The following GDPD4 variants were observed in gnomAD, a reference collection of about 807,000 sequenced individuals.
GDPD4 encodes the protein glycerophosphodiester phosphodiesterase 6.
GDPD4 carries 60 observed loss-of-function variants against 67.8 expected under a neutral mutation model. The ratio of observed to expected loss-of-function variants is 0.88; its 90% CI spans 0.72 to 1.10. The LOEUF is 1.10. GDPD4 is among the 50% of genes least tolerant of loss of function. GDPD4 has a pLI of 0.00. For missense variants in GDPD4, 623 were observed against 613.9 expected (o/e 1.01, Z -0.16); for synonymous variants, 212 against 210.9 (o/e 1.00, Z -0.04).
At chr11:77,290,829 A>C (rs990887998) in intron 1 of GDPD4, among the ~76,000 whole-genome samples, 1 of 152,220 alleles carries the variant, frequency 6.6e-6, no homozygotes, top group East Asian at 1.9e-4. Flanking sequence ...ACAGTGAGAC[A>C]TTATCTTACC....
chr11:77,230,097 A>G lies in GDPD4; in HGVS notation c.1390-865T>C, dbSNP rs148134152. On this transcript the variant is annotated intron_variant, in intron 14 of 16. Coordinates refer to ENST00000315938, the MANE Select transcript of GDPD4 (RefSeq NM_182833.3). ...CAGGTATTCTAAGCACTTCAGGGGT[A>G]TTTACAGATTTAAGCCTCATAATAG... 8.4e-3 allele frequency among the ~76,000 whole-genome samples: 1,284 copies of G among 152,322 alleles called. 29 individuals carry two copies. The highest frequency in any genetic ancestry group is 0.029 in the African/African-American group (1,222 of 41,560).
intron 11 of GDPD4, among the ~76,000 whole-genome samples, chr11:77,249,372 A>G (rs1469014139): frequency 6.6e-6 from 1 of 152,168 alleles, no homozygotes; most frequent in Non-Finnish European, 1.5e-5. Context: ...TCTATCGCAC[A>G]TTATCAAATT....
At chr11:77,236,544 T>C (rs1958571082) in intron 13 of GDPD4, among the ~76,000 whole-genome samples, 1 of 152,086 alleles carries the variant, frequency 6.6e-6, no homozygotes, top group South Asian at 2.1e-4. Flanking sequence ...AGAAAAAGAC[T>C]TATTAAGCAA....
rs1938167968 is a variant in GDPD4, at chr11:77,301,677, T to TG, written c.-327dup. ...ACCAGCGTCTCTTAAGATGGACGCC[T>TG]GGCTGGAAGGGCAGCCCGAGGGAGG... On this transcript the variant is annotated 5_prime_UTR_variant, in exon 1 of 17. Coordinates refer to ENST00000315938, the MANE Select transcript of GDPD4 (RefSeq NM_182833.3). 6.6e-6 allele frequency: 1 copy of TG among 151,930 alleles called. No individual in the cohort carries two copies. Among genetic ancestry groups the TG allele is most frequent in the African/African-American group, 2.4e-5 (1 of 41,320 alleles). 9.4% of individuals were successfully genotyped at this position (151,930 alleles called of 1,614,324 possible).
chr11:77,259,275 C>T (rs2135859883), intron 10 of GDPD4, among the ~76,000 whole-genome samples: 1 of 152,232 alleles, frequency 6.6e-6, no homozygotes, highest in Admixed American at 6.5e-5. Flanking sequence ...CCACCGTGCC[C>T]AGCCTACACT....
At position 77,279,937 on chromosome 11, in the gene GDPD4, T is replaced by C. The variant is rs555532327; in HGVS notation, c.54-538A>G. Reference sequence around the variant, plus strand: ...TGATCTAGGTATTACACAAAGAAATTTGAATCTTCATCTCAAGAAAACAGA... The same window carrying C: ...TGATCTAGGTATTACACAAAGAAATCTGAATCTTCATCTCAAGAAAACAGA... On this transcript the variant is annotated intron_variant, in intron 3 of 16. Coordinates refer to ENST00000315938, the MANE Select transcript of GDPD4 (RefSeq NM_182833.3). Among the ~76,000 whole-genome samples, 30 of 152,268 alleles carry C rather than the reference T, an allele frequency of 2.0e-4. 1 individual carries two copies. In the South Asian group the frequency reaches 6.0e-3, roughly 31 times the overall value.
At chr11:77,241,007 CAA>C (rs553435469) in intron 13 of GDPD4, among the ~76,000 whole-genome samples, 2 of 152,148 alleles carry the variant, frequency 1.3e-5, no homozygotes, top group Non-Finnish European at 2.9e-5. Flanking sequence ...TTATGGAAAA[CAA>C]AGTGGAGGTT....
chr11:77,243,890 A>T (rs1269443321), intron 12 of GDPD4, 42 bp from the exon 13 acceptor site: 1 of 1,506,950 alleles, frequency 6.6e-7, no homozygotes, highest in Non-Finnish European at 9.2e-7. Context: ...ATAATCAGCT[A>T]TCCAGGTACG....
chr11:77,242,358 C>T (rs976914769), intron 13 of GDPD4, among the ~76,000 whole-genome samples: 4 of 151,972 alleles, frequency 2.6e-5, no homozygotes, highest in African/African-American at 9.7e-5. Flanking sequence ...TGTAGTATCA[C>T]AAATAAAACA....
chr11:77,216,914 G>A lies in GDPD4; in HGVS notation c.*363C>T, dbSNP rs977728132. The A allele has an allele frequency of 4.3e-6, 3 of 697,098 alleles. No individual in the cohort carries two copies. Among genetic ancestry groups the A allele is most frequent in the Non-Finnish European group, 5.2e-6 (2 of 382,150 alleles). The allele number at this position is 697,098 out of a possible 1,614,324, so 43.2% of individuals were successfully genotyped here. A position where few individuals can be genotyped will look rare whatever the true frequency, so the allele number is the denominator to read the frequency against. On this transcript the variant is annotated 3_prime_UTR_variant, in exon 17 of 17. Transcript: ENST00000315938. ...GGATTATTTGGAGTATTCAGCCATG[G>A]GGATCTCTTAGAGGTCTCTTATTTA...
At chr11:77,268,871 C>A in intron 9 of GDPD4, 53 bp downstream of exon 9, 1 of 1,569,278 alleles carries the variant, frequency 6.4e-7, no homozygotes, top group Admixed American at 1.8e-5. Flanking sequence ...TTCTCTTGAC[C>A]ACATACCCCA....
intron 13 of GDPD4, among the ~76,000 whole-genome samples, chr11:77,243,037 T>G (rs1000411628): frequency 6.6e-6 from 1 of 152,146 alleles, no homozygotes; most frequent in Non-Finnish European, 1.5e-5. Flanking sequence ...CTCTAAAGCA[T>G]TTAGAATCAT....
intron 10 of GDPD4, among the ~76,000 whole-genome samples, chr11:77,267,515 ATTAGTT>A (rs1353163392): frequency 1.3e-5 from 2 of 152,196 alleles, no homozygotes; most frequent in East Asian, 3.8e-4. Context: ...GATGAGTAGT[ATTAGTT>A]TTAATTTGCA....
rs1015828677 is a variant in GDPD4, at chr11:77,216,619, G to A, written c.*658C>T. Reference sequence around the variant, plus strand: ...CTCCTTTAGCAGAAAATATTATGGAGGTGTTAGGATGAGATAAACCTGACA... The same window carrying A: ...CTCCTTTAGCAGAAAATATTATGGAAGTGTTAGGATGAGATAAACCTGACA... On this transcript the variant is annotated 3_prime_UTR_variant, in exon 17 of 17. Transcript: ENST00000315938. The A allele has an allele frequency of 5.3e-6, 2 of 376,694 alleles. No homozygotes were observed. Among genetic ancestry groups the A allele is most frequent in the Non-Finnish European group, 9.7e-6 (2 of 206,176 alleles). The allele number at this position is 376,694 out of a possible 1,614,324, so 23.3% of individuals were successfully genotyped here.
intron 3 of GDPD4, 40 bp from the exon 4 acceptor site, chr11:77,279,439 A>G: frequency 8.1e-7 from 1 of 1,238,494 alleles, no homozygotes; most frequent in South Asian, 1.2e-5. Flanking sequence ...ATAATGCAGA[A>G]ATCAGTAGCA....
chr11:77,271,021 A>T (rs1959214535), intron 7 of GDPD4, 109 bp downstream of exon 7: 2 of 727,736 alleles, frequency 2.7e-6, no homozygotes, highest in Non-Finnish European at 4.7e-6. Flanking sequence ...AATGAATTTC[A>T]ACGAGGCATA....
chr11:77,225,529 G>A lies in GDPD4; in HGVS notation c.1525+2335C>T, dbSNP rs560868067. ...CCCTCTCACATGCACGCACACGCAC[G>A]AAGTTAAGCCATAATCAAACTACTA... On this transcript the variant is annotated intron_variant, in intron 16 of 16. Coordinates refer to ENST00000315938, the MANE Select transcript of GDPD4 (RefSeq NM_182833.3). Among the ~76,000 whole-genome samples the A allele has an allele frequency of 7.0e-4, 106 of 152,178 alleles. 2 individuals carry two copies. The South Asian group carries it at 0.02, about 29-fold the overall frequency.
chr11:77,218,397 T>A (rs950662986), intron 16 of GDPD4, among the ~76,000 whole-genome samples: 8 of 152,114 alleles, frequency 5.3e-5, no homozygotes, highest in Non-Finnish European at 1.2e-4. Flanking sequence ...TTACCGCTCT[T>A]TTATTATTAT....
At chr11:77,298,486 T>C (rs1398923550) in intron 1 of GDPD4, among the ~76,000 whole-genome samples, 1 of 152,178 alleles carries the variant, frequency 6.6e-6, no homozygotes, top group Non-Finnish European at 1.5e-5. Flanking sequence ...CTCTCCAGCC[T>C]GGGGTCTCAA....
Sources: allele counts gnomAD v4.1 joint callset (sites outside exome capture counted in the v4.1 genomes callset), GRCh38; gene constraint gnomAD v4.1.1; transcripts MANE v1.5; gene names NCBI Gene and HGNC (gene_info 2026-07-23, HGNC 2026-07-21).